UBE2E3: variants seen among roughly 807,000 people sequenced by gnomAD.
UBE2E3 encodes ubiquitin-conjugating enzyme E2 E3.
In UBE2E3, 5 loss-of-function variants were observed where a neutral mutation model predicts 23.6. The observed-to-expected ratio is 0.21, with a 90% CI of 0.11 to 0.44. The LOEUF (loss-of-function observed/expected upper bound fraction) is 0.44. UBE2E3 is among the 20% of genes least tolerant of loss of function. The pLI, the probability that UBE2E3 is intolerant of heterozygous loss-of-function variation, is 0.99. For synonymous variants in UBE2E3, 78 were observed against 87.5 expected (o/e 0.89, Z 0.60); for missense variants, 81 against 249.8 (o/e 0.32, Z 4.55).
chr2:181,055,666 C>G (rs1397986770), intron 3 of UBE2E3, among the ~76,000 whole-genome samples: 1 of 151,624 alleles, frequency 6.6e-6, no homozygotes, highest in African/African-American at 2.4e-5. Context: ...TATTTACTAT[C>G]CTGCAATAGT....
intron 2 of UBE2E3, among the ~76,000 whole-genome samples, chr2:180,983,187 A>G (rs1210433127): frequency 6.6e-6 from 1 of 152,232 alleles, no homozygotes; most frequent in Non-Finnish European, 1.5e-5. Flanking sequence ...AACTGATCAA[A>G]TATTGCATTC....
At chr2:181,016,869 G>A (rs1685507118) in intron 3 of UBE2E3, among the ~76,000 whole-genome samples, 1 of 152,212 alleles carries the variant, frequency 6.6e-6, no homozygotes, top group Non-Finnish European at 1.5e-5. Context: ...CTCATGGGCA[G>A]TGGGGTGGAT....
chr2:180,987,641 C>A (rs1684521969), intron 3 of UBE2E3, among the ~76,000 whole-genome samples: 2 of 151,996 alleles, frequency 1.3e-5, no homozygotes, highest in African/African-American at 4.8e-5. Flanking sequence ...CGTTGACTTT[C>A]TTCTTTAAAA....
intron 3 of UBE2E3, among the ~76,000 whole-genome samples, chr2:181,006,511 T>G (rs1419145709): frequency 6.6e-6 from 1 of 152,024 alleles, no homozygotes; most frequent in Non-Finnish European, 1.5e-5. Flanking sequence ...ATAATTTTTA[T>G]AAGTATGTCC....
intron 3 of UBE2E3, among the ~76,000 whole-genome samples, chr2:181,055,865 T>C (rs367865555): frequency 1.3e-5 from 2 of 151,738 alleles, no homozygotes; most frequent in East Asian, 3.9e-4. Flanking sequence ...CAAGTAATTA[T>C]GAGTTTAGAT....
chr2:181,042,724 T>C (rs1156944509), intron 3 of UBE2E3, among the ~76,000 whole-genome samples: 2 of 152,218 alleles, frequency 1.3e-5, no homozygotes, highest in Non-Finnish European at 2.9e-5. Flanking sequence ...CTTTCAATTC[T>C]GAACATCCAT....
chr2:181,051,894 G>A (rs1056833165), intron 3 of UBE2E3, among the ~76,000 whole-genome samples: 2 of 151,858 alleles, frequency 1.3e-5, no homozygotes, highest in Non-Finnish European at 2.9e-5. Flanking sequence ...ATGCAGTGTG[G>A]CATTGTACCT....
chr2:181,005,464 AG>A (rs1446642590), intron 3 of UBE2E3, among the ~76,000 whole-genome samples: 2 of 152,190 alleles, frequency 1.3e-5, no homozygotes, highest in Non-Finnish European at 2.9e-5. Flanking sequence ...GACTGTGAGA[AG>A]GGGTGCAAAG....
intron 2 of UBE2E3, among the ~76,000 whole-genome samples, chr2:180,982,888 C>T (rs1684346305): frequency 6.6e-6 from 1 of 152,106 alleles, no homozygotes; most frequent in African/African-American, 2.4e-5. Context: ...CTTGCATTGT[C>T]CTTGGGCCTC....
intron 3 of UBE2E3, among the ~76,000 whole-genome samples, chr2:181,026,970 C>T (rs1189101078): frequency 6.6e-6 from 1 of 151,822 alleles, no homozygotes; most frequent in Non-Finnish European, 1.5e-5. Flanking sequence ...GTAGATTTTA[C>T]TAATCAGCTA....
chr2:181,003,707 C>G (rs1685055825), intron 3 of UBE2E3, among the ~76,000 whole-genome samples: 1 of 152,144 alleles, frequency 6.6e-6, no homozygotes, highest in Non-Finnish European at 1.5e-5. Context: ...TCTAAGACTC[C>G]TAGCCATGGA....
At chr2:181,042,577 A>T (rs1203596627) in intron 3 of UBE2E3, among the ~76,000 whole-genome samples, 1 of 152,226 alleles carries the variant, frequency 6.6e-6, no homozygotes, top group Non-Finnish European at 1.5e-5. Flanking sequence ...CTGGTGAAAG[A>T]GTGCCAAACT....
At chr2:181,026,405 T>A (rs1685886586) in intron 3 of UBE2E3, among the ~76,000 whole-genome samples, 1 of 151,832 alleles carries the variant, frequency 6.6e-6, no homozygotes, top group African/African-American at 2.4e-5. Context: ...CAGTCTCTCA[T>A]AGACCATTTT....
At chr2:180,997,228 G>T in intron 3 of UBE2E3, among the ~76,000 whole-genome samples, 1 of 150,464 alleles carries the variant, frequency 6.6e-6, no homozygotes, top group Non-Finnish European at 1.5e-5. Flanking sequence ...CCACTATCCA[G>T]CTTCCCATTT....
At position 180,989,937 on chromosome 2, in the gene UBE2E3, C is replaced by T. The variant is rs373276108; in HGVS notation, c.245+5844C>T. On this transcript the variant is annotated intron_variant, in intron 3 of 5. Coordinates refer to ENST00000410062, the MANE Select transcript of UBE2E3 (RefSeq NM_006357.4). ...GGACATTCAGATTGAGAATGAAGAA[C>T]TTGTCCTTTCAGTCTCTTCTTCCCT... 3.2e-6 allele frequency: 5 copies of T among 1,549,164 alleles called. No homozygotes were observed. In the African/African-American group the frequency reaches 5.5e-5, roughly 17 times the overall value.
intron 3 of UBE2E3, among the ~76,000 whole-genome samples, chr2:181,032,533 G>T (rs80095608): frequency 2.0e-5 from 3 of 152,004 alleles, no homozygotes; most frequent in Non-Finnish European, 4.4e-5. Flanking sequence ...TTATATCTTA[G>T]GACTTTCTCA....
At chr2:181,047,484 C>G (rs545421161) in intron 3 of UBE2E3, among the ~76,000 whole-genome samples, 1 of 152,148 alleles carries the variant, frequency 6.6e-6, no homozygotes, top group South Asian at 2.1e-4. Context: ...CCAGTGTATC[C>G]AAAACCAACT....
chr2:181,022,154 G>A (rs1304019384), intron 3 of UBE2E3, among the ~76,000 whole-genome samples: 2 of 152,070 alleles, frequency 1.3e-5, no homozygotes, highest in African/African-American at 4.8e-5. Flanking sequence ...TATTGTTATG[G>A]CAAACATACT....
At chr2:180,990,021 A>C in intron 3 of UBE2E3, 1 of 1,485,148 alleles carries the variant, frequency 6.7e-7, no homozygotes, top group Non-Finnish European at 9.1e-7. Context: ...ATAGAAAGTG[A>C]TTTTTTTTTC....
Sources: gnomAD v4.1 joint callset for allele counts (sites outside exome capture counted in the v4.1 genomes callset) on GRCh38, gnomAD v4.1.1 for gene constraint, MANE v1.5 for transcripts, NCBI Gene and HGNC (gene_info 2026-07-23, HGNC 2026-07-21) for gene names.